UNC5C: variants seen among roughly 807,000 people sequenced by gnomAD.
The protein encoded by UNC5C is unc-5 netrin receptor C, also known as netrin receptor UNC5C.
UNC5C carries 47 observed loss-of-function variants against 99.8 expected under a neutral mutation model. The observed-to-expected ratio is 0.47, with a 90% CI of 0.37 to 0.60. The LOEUF (loss-of-function observed/expected upper bound fraction) is 0.60, where lower values mean the gene tolerates loss of function less well. Among genes scored for constraint, UNC5C ranks in the 20% least tolerant of loss-of-function variants. The pLI, the probability that UNC5C is intolerant of heterozygous loss-of-function variation, is 0.00. For missense variants in UNC5C, 1,062 were observed against 1,165.9 expected (o/e 0.91, Z 1.30); for synonymous variants, 487 against 452.2 (o/e 1.08, Z -0.98).
chr4:95,380,038 A>T (rs531976272), intron 1 of UNC5C, among the ~76,000 whole-genome samples: 2 of 152,230 alleles, frequency 1.3e-5, no homozygotes, highest in East Asian at 3.9e-4. Flanking sequence ...AAACTTTCTG[A>T]AACATCTTCT....
chr4:95,543,586 C>T (rs1243138452), intron 1 of UNC5C, among the ~76,000 whole-genome samples: 1 of 152,112 alleles, frequency 6.6e-6, no homozygotes, highest in Non-Finnish European at 1.5e-5. Context: ...AGAGTATATA[C>T]TTGTGTCCAT....
intron 1 of UNC5C, among the ~76,000 whole-genome samples, chr4:95,485,703 G>T (rs1231377261): frequency 2.6e-5 from 4 of 151,750 alleles, no homozygotes; most frequent in African/African-American, 9.7e-5. Flanking sequence ...AAGGTGAAAA[G>T]AGAAAGATAA....
At chr4:95,336,751 G>C (rs1743365259) in intron 1 of UNC5C, among the ~76,000 whole-genome samples, 1 of 151,892 alleles carries the variant, frequency 6.6e-6, no homozygotes, top group African/African-American at 2.4e-5. Context: ...GACAAAACTA[G>C]CATTCCAAGC....
chr4:95,230,393 G>A (rs1247858095), intron 7 of UNC5C, among the ~76,000 whole-genome samples: 3 of 151,336 alleles, frequency 2.0e-5, no homozygotes, highest in Non-Finnish European at 3.0e-5. Context: ...TCTGTAGGTT[G>A]CCTGTTCACT....
intron 1 of UNC5C, among the ~76,000 whole-genome samples, chr4:95,532,730 A>T (rs992975133): frequency 1.3e-5 from 2 of 152,116 alleles, no homozygotes; most frequent in Middle Eastern, 3.2e-3. Flanking sequence ...CTTGTGAGAA[A>T]ACCCTAAAGG....
intron 1 of UNC5C, among the ~76,000 whole-genome samples, chr4:95,537,691 T>A (rs1722816716): frequency 6.6e-6 from 1 of 152,304 alleles, no homozygotes; most frequent in African/African-American, 2.4e-5. Flanking sequence ...TGTGTCAAAC[T>A]TCAATTTCAT....
chr4:95,310,924 A>T (rs1742253509), intron 2 of UNC5C, among the ~76,000 whole-genome samples: 1 of 152,202 alleles, frequency 6.6e-6, no homozygotes, highest in Admixed American at 6.5e-5. Flanking sequence ...ATGAAAAATA[A>T]AACTTACTCT....
intron 1 of UNC5C, among the ~76,000 whole-genome samples, chr4:95,441,617 T>A (rs923974649): frequency 6.6e-6 from 1 of 152,160 alleles, no homozygotes; most frequent in African/African-American, 2.4e-5. Context: ...CTAGGTATAA[T>A]TACACTGTTC....
intron 7 of UNC5C, among the ~76,000 whole-genome samples, chr4:95,241,038 T>TTCTA (rs756389232): frequency 1.5e-4 from 22 of 151,246 alleles, no homozygotes; most frequent in Non-Finnish European, 2.8e-4. Flanking sequence ...GTCCAACTAT[T>TTCTA]TCTACTTTGC....
chr4:95,194,846 C>T (rs1483561240), intron 12 of UNC5C, among the ~76,000 whole-genome samples: 49 of 152,160 alleles, frequency 3.2e-4, no homozygotes, highest in Non-Finnish European at 2.5e-4. Context: ...ACCACAACTT[C>T]TGTTTTCTTT....
rs115069500 is a variant in UNC5C at position 95,313,848 on chromosome 4, C to T, written c.347-12099G>A. On this transcript the variant is annotated intron_variant, in intron 2 of 15. Coordinates refer to ENST00000453304, the MANE Select transcript of UNC5C (RefSeq NM_003728.4). ...GAAAACATATTCATCTAACACAAAA[C>T]AACCTAGTGATTTATTGAGATAAGA... 6.6e-3 allele frequency among the ~76,000 whole-genome samples: 1,010 copies of T among 152,276 alleles called. 7 individuals are homozygous for T. Among genetic ancestry groups the T allele is most frequent in the South Asian group, 0.011 (52 of 4,812 alleles).
At chr4:95,422,176 A>C (rs1385293928) in intron 1 of UNC5C, among the ~76,000 whole-genome samples, 1 of 152,244 alleles carries the variant, frequency 6.6e-6, no homozygotes, top group East Asian at 1.9e-4. Context: ...GTAGGCACAC[A>C]TGAAATATTA....
chr4:95,182,318 C>T (rs1179477599), intron 14 of UNC5C, among the ~76,000 whole-genome samples: 1 of 152,162 alleles, frequency 6.6e-6, no homozygotes, highest in African/African-American at 2.4e-5. Context: ...CATATTTCCC[C>T]CATCCCGGAG....
chr4:95,375,134 T>A (rs1744856072), intron 1 of UNC5C, among the ~76,000 whole-genome samples: 1 of 152,004 alleles, frequency 6.6e-6, no homozygotes. Context: ...CAATAAACAT[T>A]TGGATAAGAA....
chr4:95,443,824 C>T (rs145018551), intron 1 of UNC5C, among the ~76,000 whole-genome samples: 21 of 152,126 alleles, frequency 1.4e-4, no homozygotes, highest in African/African-American at 5.1e-4. Context: ...AATCAAAGTA[C>T]TGGTAGGATT....
intron 1 of UNC5C, among the ~76,000 whole-genome samples, chr4:95,498,486 T>TGA (rs1310414957): frequency 6.6e-6 from 1 of 152,054 alleles, no homozygotes; most frequent in Non-Finnish European, 1.5e-5. Context: ...CTAAAAACAC[T>TGA]GAATGAGATA....
intron 4 of UNC5C, among the ~76,000 whole-genome samples, chr4:95,251,735 CT>C (rs1167034567): frequency 6.6e-6 from 1 of 152,164 alleles, no homozygotes; most frequent in South Asian, 2.1e-4. Context: ...CCTTAAGGAG[CT>C]ACTCTAGCAC....
intron 1 of UNC5C, among the ~76,000 whole-genome samples, chr4:95,463,850 T>G (rs185148849): frequency 6.6e-6 from 1 of 152,152 alleles, no homozygotes; most frequent in Non-Finnish European, 1.5e-5. Flanking sequence ...CTAGGAACAG[T>G]CTAGAGAGGG....
intron 1 of UNC5C, among the ~76,000 whole-genome samples, chr4:95,492,811 T>A (rs1721533485): frequency 6.6e-6 from 1 of 151,492 alleles, no homozygotes; most frequent in Admixed American, 6.6e-5. Context: ...AAAAAACTTT[T>A]GAAATAATTG....
Sources: gnomAD v4.1 joint callset for allele counts (sites outside exome capture counted in the v4.1 genomes callset) on GRCh38, gnomAD v4.1.1 for gene constraint, MANE v1.5 for transcripts, NCBI Gene and HGNC (gene_info 2026-07-23, HGNC 2026-07-21) for gene names.